The following TASP1 variants were observed in gnomAD, a reference collection of about 807,000 sequenced individuals.
TASP1 encodes taspase 1.
In TASP1, 16 loss-of-function variants were observed where a neutral mutation model predicts 56.6. The ratio of observed to expected loss-of-function variants is 0.28; its 90% CI spans 0.19 to 0.43. TASP1 has a LOEUF of 0.43. Among genes scored for constraint, TASP1 ranks in the 20% least tolerant of loss-of-function variants. TASP1 has a pLI of 1.00. For missense variants in TASP1, 393 were observed against 511.6 expected, an observed-to-expected ratio of 0.77 and a Z score of 2.24; for synonymous variants, 179 against 184.2, an observed-to-expected ratio of 0.97 and a Z score of 0.23.
the TASP1 span, among the ~76,000 whole-genome samples, chr20:13,169,947 T>C: frequency 6.6e-6 from 1 of 152,216 alleles, no homozygotes; most frequent in Admixed American, 6.5e-5. Flanking sequence ...CATTAAAAGA[T>C]AAGTCTTCAG....
intron 7 of TASP1, among the ~76,000 whole-genome samples, 153 bp from the exon 8 acceptor site, chr20:13,559,267 G>A (rs926152111): frequency 2.0e-5 from 3 of 152,138 alleles, no homozygotes; most frequent in Non-Finnish European, 2.9e-5. Flanking sequence ...TACAGGGATA[G>A]TAGGAGAATA....
chr20:13,406,249 A>C (rs527592194), intron 13 of TASP1, among the ~76,000 whole-genome samples: 2 of 152,304 alleles, frequency 1.3e-5, no homozygotes, highest in African/African-American at 4.8e-5. Context: ...ATTGCTTTGA[A>C]TCTATAGCTG....
chr20:13,329,462 C>G, the TASP1 span, among the ~76,000 whole-genome samples: 1 of 152,196 alleles, frequency 6.6e-6, no homozygotes, highest in Non-Finnish European at 1.5e-5. Context: ...GCTTCCTGAA[C>G]TGTGAGAAAA....
chr20:13,566,956 G>A (rs185024866), intron 7 of TASP1, among the ~76,000 whole-genome samples: 64 of 152,260 alleles, frequency 4.2e-4, no homozygotes, highest in African/African-American at 1.5e-3. Context: ...AAGTTGTTCT[G>A]TCATAAAGAC....
intron 13 of TASP1, 55 bp downstream of exon 13, chr20:13,417,386 TGGTTAGA>T: frequency 6.4e-7 from 1 of 1,570,158 alleles, no homozygotes. Flanking sequence ...TCAACTTAGC[TGGTTAGA>T]GGTTTATGCG....
At chr20:13,219,709 T>G in the TASP1 span, among the ~76,000 whole-genome samples, 6 of 152,134 alleles carry the variant, frequency 3.9e-5, no homozygotes, top group African/African-American at 1.4e-4. Flanking sequence ...CAGGCATCTT[T>G]AAGGAGGCAG....
At chr20:13,451,767 C>T (rs1460085870) in intron 11 of TASP1, among the ~76,000 whole-genome samples, 1 of 152,096 alleles carries the variant, frequency 6.6e-6, no homozygotes, top group Non-Finnish European at 1.5e-5. Context: ...CCTTCAAGAA[C>T]TTTTCCTTTG....
At chr20:13,397,142 A>G (rs772375466) in intron 13 of TASP1, among the ~76,000 whole-genome samples, 2 of 152,256 alleles carry the variant, frequency 1.3e-5, no homozygotes, top group Non-Finnish European at 2.9e-5. Context: ...GAGAATTATC[A>G]TGAATATTCC....
At chr20:13,362,834 T>TATATATATATATATATATAC in the TASP1 span, among the ~76,000 whole-genome samples, 1 of 130,618 alleles carries the variant, frequency 7.7e-6, no homozygotes, top group African/African-American at 3.1e-5. Context: ...TATATATATA[T>TATATATATATATATATATAC]ATATTTGTCT....
the TASP1 span, among the ~76,000 whole-genome samples, chr20:13,259,067 G>A: frequency 1.3e-5 from 2 of 152,118 alleles, no homozygotes; most frequent in Non-Finnish European, 2.9e-5. Flanking sequence ...TGGATCACCT[G>A]AGGTCAGGAG....
At chr20:13,363,154 A>T in the TASP1 span, among the ~76,000 whole-genome samples, 2 of 152,100 alleles carry the variant, frequency 1.3e-5, no homozygotes, top group African/African-American at 4.8e-5. Flanking sequence ...TTCCAATGAG[A>T]CAACTCTTGT....
chr20:13,238,147 G>A, the TASP1 span: 1 of 152,184 alleles, frequency 6.6e-6, no homozygotes, highest in African/African-American at 2.4e-5. Context: ...TGAGAGCACT[G>A]TGAGGTGGAC....
At chr20:13,610,504 TC>T (rs1446621328) in intron 4 of TASP1, among the ~76,000 whole-genome samples, 3 of 152,102 alleles carry the variant, frequency 2.0e-5, no homozygotes, top group Non-Finnish European at 4.4e-5. Context: ...CATGAAGCTG[TC>T]CCCTTAAAAT....
At chr20:13,634,666 G>A (rs2049226054) in intron 1 of TASP1, among the ~76,000 whole-genome samples, 1 of 150,454 alleles carries the variant, frequency 6.6e-6, no homozygotes, top group African/African-American at 2.5e-5. Context: ...GGAGGCAAAG[G>A]TTGCAGTGAG....
intron 11 of TASP1, among the ~76,000 whole-genome samples, chr20:13,456,624 T>C (rs1044064077): frequency 1.3e-5 from 2 of 152,082 alleles, no homozygotes; most frequent in African/African-American, 4.8e-5. Context: ...GAAGCTTATG[T>C]TGAGAAATAA....
At chr20:13,193,931 A>G in the TASP1 span, among the ~76,000 whole-genome samples, 10 of 151,978 alleles carry the variant, frequency 6.6e-5, no homozygotes, top group African/African-American at 2.4e-4. Flanking sequence ...GGCCAGAACT[A>G]TGTTACATAA....
the TASP1 span, among the ~76,000 whole-genome samples, chr20:13,375,322 GAA>G: frequency 6.7e-6 from 1 of 149,838 alleles, no homozygotes; most frequent in African/African-American, 2.5e-5. Context: ...CTATACATGA[GAA>G]AATGCGGTGT....
At chr20:13,174,574 C>A in the TASP1 span, among the ~76,000 whole-genome samples, 1 of 151,930 alleles carries the variant, frequency 6.6e-6, no homozygotes, top group Non-Finnish European at 1.5e-5. Context: ...TGGCATGCGC[C>A]TCTAGTTTCA....
chr20:13,570,437 T>C (rs1370116658), intron 6 of TASP1, among the ~76,000 whole-genome samples: 1 of 152,154 alleles, frequency 6.6e-6, no homozygotes, highest in East Asian at 1.9e-4. Flanking sequence ...TTTCTGTTAT[T>C]TTAATCATTC....
Sources: gnomAD v4.1 joint callset for allele counts (sites outside exome capture counted in the v4.1 genomes callset) on GRCh38, gnomAD v4.1.1 for gene constraint, MANE v1.5 for transcripts, NCBI Gene and HGNC (gene_info 2026-07-23, HGNC 2026-07-21) for gene names.